STAM2: variants seen among roughly 807,000 people sequenced by gnomAD.
The protein encoded by STAM2 is signal transducing adapter molecule 2.
STAM2 carries 51 observed loss-of-function variants against 65.6 expected under a neutral mutation model. The observed-to-expected ratio is 0.78, with a 90% confidence interval of 0.62 to 0.98. The LOEUF (loss-of-function observed/expected upper bound fraction) is 0.98, where lower values mean the gene tolerates loss of function less well. STAM2 is among the 50% of genes least tolerant of loss of function. STAM2 has a pLI of 0.00. For synonymous variants in STAM2, 198 were observed against 208.4 expected (o/e 0.95, Z 0.43); for missense variants, 584 against 617.8 (o/e 0.95, Z 0.58).
At chr2:152,158,060 G>A (rs1438605681) in intron 1 of STAM2, among the ~76,000 whole-genome samples, 5 of 152,196 alleles carry the variant, frequency 3.3e-5, no homozygotes, top group African/African-American at 1.2e-4. Context: ...GATTTGGCAA[G>A]AAAGAACTTT....
chr2:152,166,588 T>G (rs963951684), intron 1 of STAM2, among the ~76,000 whole-genome samples: 18 of 152,142 alleles, frequency 1.2e-4, no homozygotes, highest in African/African-American at 4.3e-4. Flanking sequence ...CACAATGACC[T>G]TCTTAGGTTC....
rs1009355550 is a variant in STAM2, at chr2:152,130,863, G to A, written c.1025+1251C>T. ...AATACAAAAATTAGCCGGGCATGGT[G>A]GCAGGCACCTGTAATCCTAGCTACT... On this transcript the variant is annotated intron_variant, in intron 11 of 13. Transcript: ENST00000263904. 2.0e-5 allele frequency among the ~76,000 whole-genome samples: 3 copies of A among 151,528 alleles called. No individual in the cohort carries two copies. In the East Asian group the frequency reaches 5.9e-4, roughly 30 times the overall value.
intron 1 of STAM2, among the ~76,000 whole-genome samples, chr2:152,153,164 A>C (rs1354491783): frequency 6.6e-6 from 1 of 152,196 alleles, no homozygotes; most frequent in East Asian, 1.9e-4. Context: ...CAAAGAATAC[A>C]ATTTTTTCTG....
intron 7 of STAM2, among the ~76,000 whole-genome samples, chr2:152,141,198 G>A (rs1017685065): frequency 6.6e-6 from 1 of 150,406 alleles, no homozygotes; most frequent in East Asian, 2.0e-4. Flanking sequence ...AGCTAAAAGT[G>A]TAGAAAGTAA....
chr2:152,143,986 T>C lies in STAM2; in HGVS notation c.545A>G (p.Lys182Arg). The C allele has an allele frequency of 6.2e-7, 1 of 1,612,438 alleles. No individual in the cohort carries two copies. Among genetic ancestry groups the C allele is most frequent in the Non-Finnish European group, 8.5e-7 (1 of 1,179,628 alleles). Residue 182 changes from lysine to arginine, a missense_variant, in exon 7 of 14, where the codon AAA (lysine) becomes AGA (arginine). By Grantham distance (26) the Lys-to-Arg change is conservative. Coordinates refer to ENST00000263904, the MANE Select transcript of STAM2 (RefSeq NM_005843.6). ...KAIELSLQEQ[K>R]QQHTETKSLY... ...GGATTTTGTTTCTGTGTGTTGCTGTTTCTGTTCTTGCAGCGATAATTCAAT... is the reference window on the plus strand; with the variant it reads ...GGATTTTGTTTCTGTGTGTTGCTGTCTCTGTTCTTGCAGCGATAATTCAAT...
At chr2:152,133,970 AC>A (rs1167858341) in intron 8 of STAM2, among the ~76,000 whole-genome samples, 1 of 152,232 alleles carries the variant, frequency 6.6e-6, no homozygotes, top group African/African-American at 2.4e-5. Flanking sequence ...TCCTATATGA[AC>A]AAAAAATAAA....
At chr2:152,168,857 G>A (rs1689845548) in intron 1 of STAM2, among the ~76,000 whole-genome samples, 1 of 152,160 alleles carries the variant, frequency 6.6e-6, no homozygotes, top group Non-Finnish European at 1.5e-5. Flanking sequence ...TTAGACAATT[G>A]ATTATTGTCT....
At chr2:152,149,790 G>A (rs1041476832) in intron 2 of STAM2, among the ~76,000 whole-genome samples, 4 of 152,040 alleles carry the variant, frequency 2.6e-5, no homozygotes, top group Non-Finnish European at 4.4e-5. Context: ...GAGCCACTGC[G>A]CCCAGCCAAC....
intron 7 of STAM2, among the ~76,000 whole-genome samples, chr2:152,136,901 T>C (rs1689167067): frequency 6.7e-6 from 1 of 149,962 alleles, no homozygotes; most frequent in South Asian, 2.1e-4. Flanking sequence ...TCTTTTTTTT[T>C]TTTTTTTTTT....
At chr2:152,128,259 T>C (rs1477581952) in intron 11 of STAM2, among the ~76,000 whole-genome samples, 2 of 151,868 alleles carry the variant, frequency 1.3e-5, no homozygotes, top group African/African-American at 2.4e-5. Flanking sequence ...TACAAAACAT[T>C]AGCCAGGTGT....
intron 7 of STAM2, among the ~76,000 whole-genome samples, chr2:152,137,701 C>A (rs758758054): frequency 6.6e-6 from 1 of 152,026 alleles, no homozygotes; most frequent in Admixed American, 6.6e-5. Context: ...AATCTATTCT[C>A]CTATATACTT....
chr2:152,154,294 T>A (rs936276900), intron 1 of STAM2, among the ~76,000 whole-genome samples: 1 of 152,110 alleles, frequency 6.6e-6, no homozygotes, highest in Non-Finnish European at 1.5e-5. Context: ...ACCAATCAGG[T>A]GTCATCACAC....
rs1688788750 is a variant in STAM2, at chr2:152,118,403, G to A, written c.*2171C>T. 1.3e-5 allele frequency: 2 copies of A among 148,820 alleles called. No individual in the cohort carries two copies. Among genetic ancestry groups the A allele is most frequent in the African/African-American group, 4.9e-5 (2 of 40,456 alleles). 9.2% of individuals were successfully genotyped at this position (148,820 alleles called of 1,614,324 possible). A position where few individuals can be genotyped will look rare whatever the true frequency, so the allele number is the denominator to read the frequency against. ...TAACTTGAGAAAGAAAAAAACTTCT[G>A]CACATATAAACTTTCACCGATGTGC... On this transcript the variant is annotated 3_prime_UTR_variant, in exon 14 of 14. Coordinates refer to ENST00000263904, the MANE Select transcript of STAM2 (RefSeq NM_005843.6).
chr2:152,155,979 A>G (rs1689535793), intron 1 of STAM2, among the ~76,000 whole-genome samples: 2 of 152,208 alleles, frequency 1.3e-5, no homozygotes, highest in Non-Finnish European at 2.9e-5. Context: ...TTTTATGAGT[A>G]TGGATATGTA....
intron 13 of STAM2, 103 bp downstream of exon 13, chr2:152,123,663 T>C: frequency 8.8e-7 from 1 of 1,141,780 alleles, no homozygotes; most frequent in Non-Finnish European, 1.2e-6. Context: ...GGATTATGAA[T>C]AAACAGTTCT....
intron 8 of STAM2, among the ~76,000 whole-genome samples, chr2:152,134,463 CAGTG>C (rs1393664926): frequency 3.9e-5 from 6 of 152,198 alleles, no homozygotes; most frequent in South Asian, 2.1e-4. Flanking sequence ...ATATTCAAAT[CAGTG>C]AGTATCAACC....
rs70974823 is a variant in STAM2, at chr2:152,149,496, CTTTTTT to C, written c.125+643_125+648del. Among the ~76,000 whole-genome samples, 7 of 126,586 alleles carry C rather than the reference CTTTTTT, an allele frequency of 5.5e-5. No homozygotes were observed. In the South Asian group the frequency reaches 1.6e-3, roughly 29 times the overall value. The allele number at this position is 126,586 out of a possible 152,430, so 83.0% of individuals were successfully genotyped here. A position where few individuals can be genotyped will look rare whatever the true frequency, so the allele number is the denominator to read the frequency against. Reference sequence around the variant, plus strand: ...AAAACTTCACTATTAATAGTCTACTCTTTTTTTTTTTTTTTTTTTGAGACAGAGTCT... The same window carrying C: ...AAAACTTCACTATTAATAGTCTACTCTTTTTTTTTTTTTGAGACAGAGTCT... On this transcript the variant is annotated intron_variant, in intron 2 of 13. Transcript: ENST00000263904.
chr2:152,142,574 T>G (rs557535833), intron 7 of STAM2, among the ~76,000 whole-genome samples: 1 of 152,280 alleles, frequency 6.6e-6, no homozygotes, highest in South Asian at 2.1e-4. Flanking sequence ...TGATACACAC[T>G]CAGATACCCA....
chr2:152,118,495 T>C lies in STAM2; in HGVS notation c.*2079A>G, dbSNP rs1341245830. On this transcript the variant is annotated 3_prime_UTR_variant, in exon 14 of 14. Transcript: ENST00000263904. ...TTTTATTATTCTAAAACTACATTAT[T>C]TATAATGGCTGATCCCAATTTAGTG... 6.6e-6 allele frequency: 1 copy of C among 150,452 alleles called. No homozygotes were observed. The highest frequency in any genetic ancestry group is 1.5e-5 in the Non-Finnish European group (1 of 67,662). 9.3% of individuals were successfully genotyped at this position (150,452 alleles called of 1,614,324 possible). A position where few individuals can be genotyped will look rare whatever the true frequency, so the allele number is the denominator to read the frequency against.
Sources: gnomAD v4.1 joint callset for allele counts (sites outside exome capture counted in the v4.1 genomes callset) on GRCh38, gnomAD v4.1.1 for gene constraint, MANE v1.5 for transcripts, NCBI Gene and HGNC (gene_info 2026-07-23, HGNC 2026-07-21) for gene names.